ABHD6: variants seen among roughly 807,000 people sequenced by gnomAD.
ABHD6 encodes abhydrolase domain containing 6, acylglycerol lipase.
ABHD6 carries 33 observed loss-of-function variants against 38.8 expected under a neutral mutation model. That is an observed-to-expected ratio of 0.85 (90% CI 0.64 to 1.14). The LOEUF (loss-of-function observed/expected upper bound fraction) is 1.14. Ranked by LOEUF, ABHD6 falls within the 50% of genes most tolerant of loss-of-function variation. The pLI, the probability that ABHD6 is intolerant of heterozygous loss-of-function variation, is 0.00. For missense variants in ABHD6, 380 were observed against 422.6 expected, an observed-to-expected ratio of 0.90 and a Z score of 0.88; for synonymous variants, 147 against 161.6, an observed-to-expected ratio of 0.91 and a Z score of 0.69.
chr3:58,249,440 A>T (rs1217456545), intron 1 of ABHD6, among the ~76,000 whole-genome samples: 1 of 152,146 alleles, frequency 6.6e-6, no homozygotes, highest in Non-Finnish European at 1.5e-5. Context: ...GGAGCGGTGC[A>T]GCCCCCCTGA....
At position 58,238,270 on chromosome 3, in the gene ABHD6, AT is replaced by A; in HGVS notation, c.-91+358del. 6.6e-6 allele frequency: 1 copy of A among 151,884 alleles called. No homozygotes were observed. Among genetic ancestry groups the A allele is most frequent in the Non-Finnish European group, 1.5e-5 (1 of 68,176 alleles). The allele number at this position is 151,884 out of a possible 1,614,324, so 9.4% of individuals were successfully genotyped here. ...AGGCGCCCCTCGCAGTGCCGAGAGG[AT>A]TTTGGGGTCCTGCAGCCCTGTTTCC... On this transcript the variant is annotated intron_variant, in intron 1 of 9. Transcript: ENST00000478253. This position sits in a 1 kb window ranked among gnomAD's most constrained non-coding sequence, Gnocchi z 6.9.
In ABHD6 at chr3:58,269,087, A is replaced by G. The variant is rs930840313; in HGVS notation, c.277-234A>G. ...GCTGCCCCGACTTTGTCCCCTTTTT[A>G]CAGGCATCTCCTGAGCCTGCTTCCA... On this transcript the variant is annotated intron_variant, in intron 4 of 9. Transcript: ENST00000478253. The surrounding 1 kb of genome is among the most constrained non-coding windows in gnomAD (Gnocchi z 4.4). Among the ~76,000 whole-genome samples the G allele has an allele frequency of 2.0e-5, 3 of 152,198 alleles. No homozygotes were observed. The highest frequency in any genetic ancestry group is 7.2e-5 in the African/African-American group (3 of 41,456).
At chr3:58,253,942 C>G (rs1294827590) in intron 2 of ABHD6, among the ~76,000 whole-genome samples, 6 of 152,208 alleles carry the variant, frequency 3.9e-5, no homozygotes, top group Non-Finnish European at 1.5e-5. Flanking sequence ...GTGCATCTGT[C>G]TCCTTCTCCA....
intron 9 of ABHD6, among the ~76,000 whole-genome samples, chr3:58,289,441 C>G (rs1469027447): frequency 6.7e-5 from 10 of 149,540 alleles, no homozygotes; most frequent in South Asian, 2.2e-4. Context: ...TGACTCTTAA[C>G]GAGCATGCTG....
In ABHD6 at chr3:58,293,943, A is replaced by G. The variant is rs1337807475; in HGVS notation, c.*178A>G. ...CCCAGAGCTTTGGGGACCACGCGAAAACCTCCAAGATATTTTTCACAAAAT... is the reference window on the plus strand; with the variant it reads ...CCCAGAGCTTTGGGGACCACGCGAAGACCTCCAAGATATTTTTCACAAAAT... On this transcript the variant is annotated 3_prime_UTR_variant, in exon 10 of 10. Transcript: ENST00000478253. The surrounding 1 kb of genome is among the most constrained non-coding windows in gnomAD (Gnocchi z 4.4). The G allele has an allele frequency of 1.7e-5, 10 of 575,210 alleles. No homozygotes were observed. The highest frequency in any genetic ancestry group is 6.7e-5 in the Admixed American group (2 of 29,658). 35.6% of individuals were successfully genotyped at this position (575,210 alleles called of 1,614,324 possible).
chr3:58,242,818 C>CCAA (rs2097423734), intron 1 of ABHD6, among the ~76,000 whole-genome samples: 1 of 152,178 alleles, frequency 6.6e-6, no homozygotes, highest in Admixed American at 6.5e-5. Flanking sequence ...GTTTGCTGCA[C>CCAA]CCGTTAACTC....
rs1369047109 is a variant in ABHD6 at position 58,266,951 on chromosome 3, A to G, written c.120-238A>G. ...GAAAACACCGCATTTCCCTTCCTAG[A>G]GTGATTAGTAAAATATATACCAAAA... On this transcript the variant is annotated intron_variant, in intron 3 of 9. Transcript: ENST00000478253. The surrounding 1 kb of genome is among the most constrained non-coding windows in gnomAD (Gnocchi z 4.0). Among the ~76,000 whole-genome samples, 1 of 152,200 alleles carries G rather than the reference A, an allele frequency of 6.6e-6. No homozygotes were observed. The highest frequency in any genetic ancestry group is 2.1e-4 in the South Asian group (1 of 4,830).
In ABHD6 at chr3:58,257,066, G is replaced by A. The variant is rs1275782299; in HGVS notation, c.119+361G>A. Among the ~76,000 whole-genome samples, 2 of 151,928 alleles carry A rather than the reference G, an allele frequency of 1.3e-5. No individual in the cohort carries two copies. The highest frequency in any genetic ancestry group is 4.8e-5 in the African/African-American group (2 of 41,376). ...TTTACAGGTGTATGCCACCACGCCC[G>A]GCTAATTTTTTTTGTATTTTTAGTA... On this transcript the variant is annotated intron_variant, in intron 3 of 9. Coordinates refer to ENST00000478253, the MANE Select transcript of ABHD6 (RefSeq NM_001320126.2). This position sits in a 1 kb window ranked among gnomAD's most constrained non-coding sequence, Gnocchi z 4.8.
At position 58,267,311 on chromosome 3, in the gene ABHD6, C is replaced by G. The variant is rs1312389194; in HGVS notation, c.242C>G (p.Ser81Cys). 6.2e-7 allele frequency: 1 copy of G among 1,614,020 alleles called. No individual in the cohort carries two copies. Among genetic ancestry groups the G allele is most frequent in the African/African-American group, 1.3e-5 (1 of 74,914 alleles). ...KPSILMLHGF[S>C]AHKDMWLSVV... is the part of the protein sequence containing the mutation. ...TCCATCCTCATGCTCCACGGATTCT[C>G]TGCCCACAAGGATATGTGGCTCAGT... The change falls in exon 4 of 10, where the codon TCT becomes TGT. Residue 81 changes from serine to cysteine, a missense_variant. By Grantham distance (112) the Ser-to-Cys change is moderately radical (BLOSUM62 -1). Transcript: ENST00000478253. The surrounding 1 kb of genome is among the most constrained non-coding windows in gnomAD (Gnocchi z 4.3).
At chr3:58,249,702 G>A (rs1401496825) in intron 1 of ABHD6, among the ~76,000 whole-genome samples, 176 bp from the exon 2 acceptor site, 5 of 152,204 alleles carry the variant, frequency 3.3e-5, no homozygotes, top group Non-Finnish European at 7.3e-5. Context: ...CTCACTGGGG[G>A]AGGTGACCTG....
At chr3:58,271,449 G>T (rs148019945) in intron 6 of ABHD6, among the ~76,000 whole-genome samples, 2 of 151,852 alleles carry the variant, frequency 1.3e-5, no homozygotes, top group African/African-American at 4.8e-5. Context: ...GGGCTCTTAC[G>T]AGCTAAGCTC....
intron 2 of ABHD6, among the ~76,000 whole-genome samples, chr3:58,255,638 A>G (rs1399570489): frequency 6.7e-6 from 1 of 149,832 alleles, no homozygotes; most frequent in African/African-American, 2.5e-5. Context: ...CTCCTTTTTT[A>G]TTTTTATTTA....
rs1243454056 is a variant in ABHD6, at chr3:58,251,761, C to G, written c.-26+1819C>G. On this transcript the variant is annotated intron_variant, in intron 2 of 9. Coordinates refer to ENST00000478253, the MANE Select transcript of ABHD6 (RefSeq NM_001320126.2). The surrounding 1 kb of genome is among the most constrained non-coding windows in gnomAD (Gnocchi z 5.4). The stretch of plus-strand genomic sequence containing the variant: ...CCTGCTTCACACTGTGCCGCAGTGT[C>G]TTTAACCCTGGGGTGCCTCACTTTA... Among the ~76,000 whole-genome samples, 2 of 152,174 alleles carry G rather than the reference C, an allele frequency of 1.3e-5. No homozygotes were observed. The highest frequency in any genetic ancestry group is 2.1e-4 in the South Asian group (1 of 4,836).
chr3:58,241,208 G>T (rs1232026936), intron 1 of ABHD6, among the ~76,000 whole-genome samples: 1 of 152,178 alleles, frequency 6.6e-6, no homozygotes, highest in Non-Finnish European at 1.5e-5. Flanking sequence ...ACTGAAACTG[G>T]ATATGATTTT....
chr3:58,269,289 C>A lies in ABHD6; in HGVS notation c.277-32C>A. The A allele has an allele frequency of 6.4e-7, 1 of 1,556,032 alleles. No individual in the cohort carries two copies. Among genetic ancestry groups the A allele is most frequent in the Non-Finnish European group, 8.9e-7 (1 of 1,128,334 alleles). On this transcript the variant is annotated intron_variant, in intron 4 of 9. Transcript: ENST00000478253. This position sits in a 1 kb window ranked among gnomAD's most constrained non-coding sequence, Gnocchi z 4.4. ...ATGGGCAGACATGTTTTGCACACCACATACTGACTCTCTGGGTCTGTGTGT... is the reference window on the plus strand; with the variant it reads ...ATGGGCAGACATGTTTTGCACACCAAATACTGACTCTCTGGGTCTGTGTGT...
chr3:58,263,386 A>G lies in ABHD6; in HGVS notation c.120-3803A>G, dbSNP rs1441259965. On this transcript the variant is annotated intron_variant, in intron 3 of 9. Transcript: ENST00000478253. The surrounding 1 kb of genome is among the most constrained non-coding windows in gnomAD (Gnocchi z 4.9). The stretch of plus-strand genomic sequence containing the variant: ...GCCTAGGCAACGAGAGTGAAACTCC[A>G]TCTCAAAAAAAAAAAAAAAGAAAAA... Among the ~76,000 whole-genome samples the G allele has an allele frequency of 6.6e-6, 1 of 150,608 alleles. No homozygotes were observed. The highest frequency in any genetic ancestry group is 6.6e-5 in the Admixed American group (1 of 15,142).
chr3:58,271,785 T>C lies in ABHD6; in HGVS notation c.523+721T>C, dbSNP rs1023998909. ...CTCTCTGTTTTTTTTTTTTTTTTTT[T>C]TTTTTGAGACAGTCTGTTGCTCAGA... On this transcript the variant is annotated intron_variant, in intron 6 of 9. Coordinates refer to ENST00000478253, the MANE Select transcript of ABHD6 (RefSeq NM_001320126.2). Among the ~76,000 whole-genome samples the C allele has an allele frequency of 1.0e-3, 148 of 141,838 alleles. 1 individual carries two copies. The highest frequency in any genetic ancestry group is 3.8e-3 in the African/African-American group (146 of 38,128). 93.1% of individuals were successfully genotyped at this position (141,838 alleles called of 152,430 possible).
intron 1 of ABHD6, 84 bp from the exon 2 acceptor site, chr3:58,249,794 C>G (rs1223932474): frequency 1.3e-5 from 2 of 152,226 alleles, no homozygotes; most frequent in Non-Finnish European, 2.9e-5. Flanking sequence ...TCACTGAAGC[C>G]AGCAATTTGG....
chr3:58,256,743 A>G lies in ABHD6; in HGVS notation c.119+38A>G. 1 of 1,466,692 alleles carries G rather than the reference A, an allele frequency of 6.8e-7. No homozygotes were observed. The highest frequency in any genetic ancestry group is 9.5e-7 in the Non-Finnish European group (1 of 1,051,794). The allele number at this position is 1,466,692 out of a possible 1,614,324, so 90.9% of individuals were successfully genotyped here. A position where few individuals can be genotyped will look rare whatever the true frequency, so the allele number is the denominator to read the frequency against. On this transcript the variant is annotated intron_variant, in intron 3 of 9. Transcript: ENST00000478253. The surrounding 1 kb of genome is among the most constrained non-coding windows in gnomAD (Gnocchi z 4.3). ...TATCATTGATGTTTTCAAGAGTATC[A>G]TAATATTGACATCTTCTCTGCTTGT...
Sources: gnomAD v4.1 joint callset for allele counts (sites outside exome capture counted in the v4.1 genomes callset) on GRCh38, gnomAD v4.1.1 for gene constraint, Gnocchi (gnomAD v3.1) non-coding constraint, MANE v1.5 for transcripts, NCBI Gene and HGNC (gene_info 2026-07-23, HGNC 2026-07-21) for gene names.